The following PRKCH variants were observed in gnomAD, a reference collection of about 807,000 sequenced individuals.
PRKCH encodes the protein protein kinase C eta.
PRKCH carries 28 observed loss-of-function variants against 82.5 expected under a neutral mutation model. That is an observed-to-expected ratio of 0.34 (90% CI 0.25 to 0.47). The LOEUF is 0.47. PRKCH is among the 20% of genes least tolerant of loss of function. PRKCH has a pLI of 1.00. For synonymous variants in PRKCH, 322 were observed against 327.4 expected, an observed-to-expected ratio of 0.98 and a Z score of 0.18; for missense variants, 705 against 881.8, an observed-to-expected ratio of 0.80 and a Z score of 2.54.
At chr14:61,409,460 G>C (rs569817508) in intron 2 of PRKCH, among the ~76,000 whole-genome samples, 1 of 152,106 alleles carries the variant, frequency 6.6e-6, no homozygotes, top group Admixed American at 6.5e-5. Context: ...ACTCTGGGAG[G>C]CTGAAGCAGG....
chr14:61,253,973 T>TCCCTCCTC (rs2044971863), intron 1 of PRKCH, among the ~76,000 whole-genome samples: 1 of 96,192 alleles, frequency 1.0e-5, no homozygotes, highest in African/African-American at 4.2e-5. Flanking sequence ...CTTCCCTCCC[T>TCCCTCCTC]CCCTCCTCCC....
chr14:61,358,914 C>T (rs771328704), intron 1 of PRKCH, among the ~76,000 whole-genome samples: 1 of 152,146 alleles, frequency 6.6e-6, no homozygotes. Context: ...GGACTCAGCT[C>T]AGCTATCACC....
At chr14:61,354,778 G>A (rs918611909) in intron 1 of PRKCH, among the ~76,000 whole-genome samples, 2 of 152,040 alleles carry the variant, frequency 1.3e-5, no homozygotes. Flanking sequence ...TTCTCATTTA[G>A]TCACAGTTAT....
At chr14:61,217,998 A>G (rs1288761979) in intron 1 of PRKCH, among the ~76,000 whole-genome samples, 1 of 152,164 alleles carries the variant, frequency 6.6e-6, no homozygotes, top group African/African-American at 2.4e-5. Flanking sequence ...GGCAGAGCTG[A>G]TGTTATGTTC....
chr14:61,357,336 G>A (rs2046164015), intron 1 of PRKCH, among the ~76,000 whole-genome samples: 1 of 152,204 alleles, frequency 6.6e-6, no homozygotes, highest in Non-Finnish European at 1.5e-5. Context: ...TAAGCAACTT[G>A]AAACTTCTTA....
Position 61,540,083 on chromosome 14 carries a change from C to T in PRKCH, c.1762-7660C>T, listed in dbSNP as rs373488784. ...AATTTTAAGTGTCCTTCTATCTTTTCCAGCAAAAAGACCCTCAGTAGTTTG... is the reference window on the plus strand; with the variant it reads ...AATTTTAAGTGTCCTTCTATCTTTTTCAGCAAAAAGACCCTCAGTAGTTTG... On this transcript the variant is annotated intron_variant, in intron 12 of 13. Coordinates refer to ENST00000332981, the MANE Select transcript of PRKCH (RefSeq NM_006255.5). Among the ~76,000 whole-genome samples, 68 of 152,322 alleles carry T rather than the reference C, an allele frequency of 4.5e-4. No homozygotes were observed. The South Asian group carries it at 0.013, about 30-fold the overall frequency.
At chr14:61,456,642 AG>A (rs1417551653) in intron 7 of PRKCH, among the ~76,000 whole-genome samples, 5 of 152,190 alleles carry the variant, frequency 3.3e-5, no homozygotes, top group African/African-American at 4.8e-5. Context: ...GTGAGATTTT[AG>A]GTATTTAGAT....
At chr14:61,467,247 T>TC (rs1371936039) in intron 9 of PRKCH, among the ~76,000 whole-genome samples, 1 of 152,160 alleles carries the variant, frequency 6.6e-6, no homozygotes, top group African/African-American at 2.4e-5. Context: ...TTTAAGAAGT[T>TC]CCCCTGCCTT....
At chr14:61,498,746 C>T in intron 10 of PRKCH, among the ~76,000 whole-genome samples, 1 of 152,158 alleles carries the variant, frequency 6.6e-6, no homozygotes. Context: ...TGAGACCTCA[C>T]CTTTGTGGCC....
chr14:61,434,870 T>G (rs1883599951), intron 2 of PRKCH, among the ~76,000 whole-genome samples: 1 of 152,116 alleles, frequency 6.6e-6, no homozygotes, highest in Admixed American at 6.5e-5. Flanking sequence ...TTTAAAAGAT[T>G]TTTTAAAAGC....
chr14:61,547,864 A>G lies in PRKCH; in HGVS notation c.1883A>G (p.Glu628Gly). 1 of 1,613,900 alleles carries G rather than the reference A, an allele frequency of 6.2e-7. No individual in the cohort carries two copies. The highest frequency in any genetic ancestry group is 8.5e-7 in the Non-Finnish European group (1 of 1,179,874). Residue 628 changes from glutamate (E) to glycine (G), a missense_variant, in exon 13 of 14, where the codon GAA becomes GGA. Physicochemically the swap from Glu to Gly is moderately conservative, Grantham distance 98. Around this residue, in one of 5 missense-constraint regions of PRKCH, gnomAD observed 91 missense variants for 81.2 expected, o/e 1.12. Coordinates refer to ENST00000332981, the MANE Select transcript of PRKCH (RefSeq NM_006255.5). ...DWAQLNHRQIEPPFRPRIKSR... is the reference protein window; with the variant it reads ...DWAQLNHRQIGPPFRPRIKSR... ...GCCCAGCTGAACCATCGCCAAATAG[A>G]ACCGCCTTTCAGACCCAGAATCGTA...
At chr14:61,434,611 G>A (rs985084652) in intron 2 of PRKCH, among the ~76,000 whole-genome samples, 2 of 152,236 alleles carry the variant, frequency 1.3e-5, no homozygotes, top group African/African-American at 4.8e-5. Flanking sequence ...GCAATTGATA[G>A]TAGGACAGGA....
chr14:61,323,337 A>C (rs1197281290), intron 1 of PRKCH, among the ~76,000 whole-genome samples: 1 of 152,202 alleles, frequency 6.6e-6, no homozygotes, highest in Non-Finnish European at 1.5e-5. Flanking sequence ...ACATGCTTTT[A>C]CTGCCTAATC....
At chr14:61,541,880 G>A (rs1259984735) in intron 12 of PRKCH, among the ~76,000 whole-genome samples, 2 of 152,224 alleles carry the variant, frequency 1.3e-5, no homozygotes, top group Non-Finnish European at 2.9e-5. Context: ...CCCACAAGAT[G>A]TGATAAGCAC....
At chr14:61,529,913 A>AAT (rs1555396320) in intron 11 of PRKCH, among the ~76,000 whole-genome samples, 10,468 of 125,632 alleles carry the variant, frequency 0.083, 1,083 homozygotes, top group African/African-American at 0.25. Context: ...AATAAAAAAA[A>AAT]ATATATATAT....
At chr14:61,433,098 C>T (rs1466263626) in intron 2 of PRKCH, among the ~76,000 whole-genome samples, 5 of 148,996 alleles carry the variant, frequency 3.4e-5, no homozygotes, top group Non-Finnish European at 4.4e-5. Context: ...AAAGCTCTCA[C>T]CTTGGTTTTG....
chr14:61,234,506 C>T (rs572844728), intron 1 of PRKCH, among the ~76,000 whole-genome samples: 2 of 152,326 alleles, frequency 1.3e-5, no homozygotes, highest in South Asian at 2.1e-4. Flanking sequence ...TCATGTTGAG[C>T]ATGAGCACAC....
intron 1 of PRKCH, among the ~76,000 whole-genome samples, chr14:61,346,495 A>AT (rs1189368699): frequency 1.3e-5 from 2 of 151,952 alleles, no homozygotes; most frequent in African/African-American, 2.4e-5. Flanking sequence ...TTCCCTTTTG[A>AT]TTTTTTCAAA....
Position 61,328,936 on chromosome 14 carries a change from T to C in PRKCH, c.363+6472T>C, listed in dbSNP as rs140027396. The stretch of plus-strand genomic sequence containing the variant: ...GGGAGGTTGAGGCTGCAGTGAGCCA[T>C]GATCATGTCACTGTACTCTAGCTTA... On this transcript the variant is annotated intron_variant, in intron 1 of 13. Coordinates refer to ENST00000332981, the MANE Select transcript of PRKCH (RefSeq NM_006255.5). Among the ~76,000 whole-genome samples, 50 of 151,458 alleles carry C rather than the reference T, an allele frequency of 3.3e-4. No individual in the cohort carries two copies. The East Asian group carries it at 9.0e-3, about 27-fold the overall frequency.
Sources: gnomAD v4.1 joint callset for allele counts (sites outside exome capture counted in the v4.1 genomes callset) on GRCh38, gnomAD v4.1.1 for gene constraint, gnomAD v4.1.1 regional missense constraint, MANE v1.5 for transcripts, NCBI Gene and HGNC (gene_info 2026-07-23, HGNC 2026-07-21) for gene names.